Variants in TCERG1L observed in about 807,000 individuals in gnomAD.
TCERG1L encodes the protein transcription elongation regulator 1-like protein.
A neutral mutation model predicts 56.3 loss-of-function variants in TCERG1L; 37 were observed. The ratio of observed to expected loss-of-function variants is 0.66; its 90% CI spans 0.51 to 0.87. The LOEUF (loss-of-function observed/expected upper bound fraction) is 0.87. TCERG1L is among the 40% of genes least tolerant of loss of function. The probability of loss-of-function intolerance (pLI) is 0.00; values close to 1 mark genes in which losing one functional copy is unlikely to be tolerated. For synonymous variants in TCERG1L, 324 were observed against 326.3 expected, an observed-to-expected ratio of 0.99 and a Z score of 0.08; for missense variants, 799 against 774.2, an observed-to-expected ratio of 1.03 and a Z score of -0.38.
At chr10:131,308,476 T>C in intron 2 of TCERG1L, 85 bp from the exon 3 acceptor site, 2 of 1,165,694 alleles carry the variant, frequency 1.7e-6, no homozygotes, top group Non-Finnish European at 2.5e-6. Context: ...TTGTGTTGCC[T>C]TACGTTGATC....
chr10:131,127,785 C>G (rs1242291205), intron 8 of TCERG1L, among the ~76,000 whole-genome samples: 1 of 152,136 alleles, frequency 6.6e-6, no homozygotes, highest in East Asian at 1.9e-4. Flanking sequence ...GATGGAGTCC[C>G]AGAGCCACAG....
Position 131,260,438 on chromosome 10 carries a change from C to A in TCERG1L, c.677G>T (p.Cys226Phe). 7.1e-7 allele frequency: 1 copy of A among 1,412,696 alleles called. No individual in the cohort carries two copies. Among genetic ancestry groups the A allele is most frequent in the Non-Finnish European group, 9.2e-7 (1 of 1,084,344 alleles). The allele number at this position is 1,412,696 out of a possible 1,614,324, so 87.5% of individuals were successfully genotyped here. ...VLAPQPIPGGCHNSLKVTSSP... is the reference protein window; with the variant it reads ...VLAPQPIPGGFHNSLKVTSSP... ...GCTGGTCACCTTAAGGCTGTTATGGCAGCCACCTGCGGAAGAGGGATGCAG... is the reference window on the plus strand; with the variant it reads ...GCTGGTCACCTTAAGGCTGTTATGGAAGCCACCTGCGGAAGAGGGATGCAG... Residue 226 changes from cysteine to phenylalanine, a missense_variant, in exon 4 of 12, where the codon TGC (cysteine) becomes TTC (phenylalanine). Physicochemically the swap from Cys to Phe is radical, Grantham distance 205. Coordinates refer to ENST00000368642, the MANE Select transcript of TCERG1L (RefSeq NM_174937.4). This position sits in a 1 kb window ranked among gnomAD's most constrained non-coding sequence, Gnocchi z 5.8.
In TCERG1L at chr10:131,224,224, C is replaced by T. The variant is rs574337428; in HGVS notation, c.856+36035G>A. On this transcript the variant is annotated intron_variant, in intron 4 of 11. Transcript: ENST00000368642. ...TTCCCTGGGGCTCCTCTCCAAGCCT[C>T]GGATGATGCCCCTACATGCTCCTGC... Among the ~76,000 whole-genome samples the T allele has an allele frequency of 5.3e-5, 8 of 152,238 alleles. No homozygotes were observed. The South Asian group carries it at 1.7e-3, about 32-fold the overall frequency.
chr10:131,208,938 G>A (rs944423700), intron 4 of TCERG1L, among the ~76,000 whole-genome samples: 1 of 151,942 alleles, frequency 6.6e-6, no homozygotes, highest in East Asian at 1.9e-4. Flanking sequence ...GGCGCCTGTA[G>A]TCCCAGCTAC....
intron 11 of TCERG1L, among the ~76,000 whole-genome samples, chr10:131,093,688 C>T (rs1236035768): frequency 6.6e-6 from 1 of 152,224 alleles, no homozygotes; most frequent in Non-Finnish European, 1.5e-5. Context: ...CTCTGCCTGC[C>T]ACGGTCTTTC....
At chr10:131,299,695 T>G (rs1189851607) in intron 3 of TCERG1L, among the ~76,000 whole-genome samples, 1 of 152,138 alleles carries the variant, frequency 6.6e-6, no homozygotes, top group Non-Finnish European at 1.5e-5. Flanking sequence ...TCTGAATGGA[T>G]GGTGAATTTA....
In TCERG1L at chr10:131,134,995, T is replaced by A. The variant is rs118129980; in HGVS notation, c.1190-547A>T. 9.5e-3 allele frequency among the ~76,000 whole-genome samples: 1,444 copies of A among 152,332 alleles called. 66 individuals carry two copies. The highest frequency in any genetic ancestry group is 0.08 in the Admixed American group (1,219 of 15,306). On this transcript the variant is annotated intron_variant, in intron 7 of 11. Transcript: ENST00000368642. ...AAAAGCCAAATTGATTTTGAAGACA[T>A]GATCCCTTATTTCCATTCTGAGGCA... is the stretch of plus-strand genomic sequence containing the variant.
chr10:131,105,040 T>C (rs1190259735), intron 9 of TCERG1L, among the ~76,000 whole-genome samples: 1 of 152,230 alleles, frequency 6.6e-6, no homozygotes, highest in Non-Finnish European at 1.5e-5. Flanking sequence ...CCATATCTCC[T>C]TGGACTCCTC....
In TCERG1L at chr10:131,184,857, T is replaced by C. The variant is rs116308741; in HGVS notation, c.857-17972A>G. ...AGGGACTGAGAAGGTCCTTTAGCCATGAGGCAAGAACAAAATGGCACCAAA... is the reference window on the plus strand; with the variant it reads ...AGGGACTGAGAAGGTCCTTTAGCCACGAGGCAAGAACAAAATGGCACCAAA... On this transcript the variant is annotated intron_variant, in intron 4 of 11. Transcript: ENST00000368642. Among the ~76,000 whole-genome samples the C allele has an allele frequency of 6.6e-3, 1,004 of 152,278 alleles. 12 individuals carry two copies. Among genetic ancestry groups the C allele is most frequent in the African/African-American group, 0.023 (954 of 41,554 alleles).
At chr10:131,298,901 T>C (rs1041444537) in intron 3 of TCERG1L, among the ~76,000 whole-genome samples, 5 of 152,236 alleles carry the variant, frequency 3.3e-5, no homozygotes, top group African/African-American at 7.2e-5. Flanking sequence ...TATTCACAGA[T>C]GAGCTTCCAT....
At chr10:131,185,703 T>C (rs939969196) in intron 4 of TCERG1L, among the ~76,000 whole-genome samples, 5 of 151,934 alleles carry the variant, frequency 3.3e-5, no homozygotes, top group Admixed American at 6.6e-5. Context: ...TTAAACTCAC[T>C]AGAAAGGAAC....
At chr10:131,154,324 C>G (rs1487414376) in intron 6 of TCERG1L, among the ~76,000 whole-genome samples, 1 of 152,136 alleles carries the variant, frequency 6.6e-6, no homozygotes, top group Non-Finnish European at 1.5e-5. Context: ...AGCAGGACCC[C>G]AAGCTTCAAA....
chr10:131,221,582 C>T (rs527575605), intron 4 of TCERG1L, among the ~76,000 whole-genome samples: 5 of 152,316 alleles, frequency 3.3e-5, no homozygotes, highest in South Asian at 4.1e-4. Context: ...GAAGATAACA[C>T]GCTTTTTAAA....
In TCERG1L at chr10:131,267,729, G is replaced by C. The variant is rs1204584434; in HGVS notation, c.671-7285C>G. Among the ~76,000 whole-genome samples the C allele has an allele frequency of 6.6e-6, 1 of 152,222 alleles. No individual in the cohort carries two copies. Among genetic ancestry groups the C allele is most frequent in the African/African-American group, 2.4e-5 (1 of 41,454 alleles). On this transcript the variant is annotated intron_variant, in intron 3 of 11. Coordinates refer to ENST00000368642, the MANE Select transcript of TCERG1L (RefSeq NM_174937.4). The surrounding 1 kb of genome is among the most constrained non-coding windows in gnomAD (Gnocchi z 4.9). The stretch of plus-strand genomic sequence containing the variant: ...TCCTGCCCAGCCATGCAAGGGTGGA[G>C]GTGGCACAGTTGGCTGCCTTGGGGA...
intron 6 of TCERG1L, chr10:131,161,874 TC>T (rs1464645153): frequency 6.6e-6 from 1 of 152,282 alleles, no homozygotes; most frequent in East Asian, 1.9e-4. Context: ...GCCCAGAAGC[TC>T]AGTCAGGTCC....
chr10:131,250,591 T>C (rs1846099083), intron 4 of TCERG1L, among the ~76,000 whole-genome samples: 1 of 152,096 alleles, frequency 6.6e-6, no homozygotes, highest in Non-Finnish European at 1.5e-5. Context: ...ACTCATCGCT[T>C]GCCTAGATGT....
Position 131,311,438 on chromosome 10 carries a change from G to C in TCERG1L, c.198C>G (p.Ala66=). ...GGAGCAGCGGGGCCGCGGGCGGCGG[G>C]GCCGAGGCGAGCAGCACCGGGGGAA... ...VVVPPVLLAS[A]PPPAAPLLPG... is the part of the protein sequence containing the mutation. Residue 66 remains alanine, a synonymous_variant, in exon 1 of 12, where the codon GCC becomes GCG. Coordinates refer to ENST00000368642, the MANE Select transcript of TCERG1L (RefSeq NM_174937.4). This position sits in a 1 kb window ranked among gnomAD's most constrained non-coding sequence, Gnocchi z 4.0. 1 of 1,177,304 alleles carries C rather than the reference G, an allele frequency of 8.5e-7. No individual in the cohort carries two copies. Among genetic ancestry groups the C allele is most frequent in the Non-Finnish European group, 1.0e-6 (1 of 954,464 alleles). 72.9% of individuals were successfully genotyped at this position (1,177,304 alleles called of 1,614,324 possible).
chr10:131,180,697 C>T (rs187029724), intron 4 of TCERG1L, among the ~76,000 whole-genome samples: 84 of 152,262 alleles, frequency 5.5e-4, no homozygotes, highest in South Asian at 5.2e-3. Flanking sequence ...TCTCAGCCTA[C>T]GCATCCAGAA....
At position 131,104,388 on chromosome 10, in the gene TCERG1L, C is replaced by T. The variant is rs1345568316; in HGVS notation, c.1396-34G>A. ...AGATATTCAATAGAGTTGCTGTTAG[C>T]GTCTAATGCTAAGCCTGAAGCCGCC... On this transcript the variant is annotated intron_variant, in intron 9 of 11. Transcript: ENST00000368642. 7.0e-6 allele frequency: 10 copies of T among 1,426,400 alleles called. 1 individual carries two copies. The highest frequency in any genetic ancestry group is 4.9e-5 in the South Asian group (4 of 81,440). The allele number at this position is 1,426,400 out of a possible 1,614,324, so 88.4% of individuals were successfully genotyped here. A position where few individuals can be genotyped will look rare whatever the true frequency, so the allele number is the denominator to read the frequency against.
Sources: allele counts gnomAD v4.1 joint callset (sites outside exome capture counted in the v4.1 genomes callset), GRCh38; gene constraint gnomAD v4.1.1; non-coding constraint Gnocchi (gnomAD v3.1); transcripts MANE v1.5; gene names NCBI Gene and HGNC (gene_info 2026-07-23, HGNC 2026-07-21).